Variants in IL18R1 observed in about 807,000 individuals in gnomAD.
The protein encoded by IL18R1 is interleukin-18 receptor 1.
Under a neutral mutation model 48.5 loss-of-function variants are expected in IL18R1, and 40 were observed. The observed-to-expected ratio is 0.82, with a 90% CI of 0.64 to 1.07. The LOEUF is 1.07. Among genes scored for constraint, IL18R1 ranks in the 50% least tolerant of loss-of-function variants. The pLI, the probability that IL18R1 is intolerant of heterozygous loss-of-function variation, is 0.00. For missense variants in IL18R1, 596 were observed against 633.7 expected, an observed-to-expected ratio of 0.94 and a Z score of 0.64; for synonymous variants, 232 against 225.9, an observed-to-expected ratio of 1.03 and a Z score of -0.24.
chr2:102,367,790 G>A, intron 2 of IL18R1, 35 bp from the exon 3 acceptor site: 1 of 1,571,196 alleles, frequency 6.4e-7, no homozygotes, highest in Non-Finnish European at 8.7e-7. Flanking sequence ...TTTGGTTTTT[G>A]TTTTTATTTA....
intron 5 of IL18R1, among the ~76,000 whole-genome samples, chr2:102,380,384 A>C (rs1292671631): frequency 6.6e-6 from 1 of 152,184 alleles, no homozygotes; most frequent in Non-Finnish European, 1.5e-5. Flanking sequence ...ATCCAGAGAA[A>C]GGTAGTCAGT....
chr2:102,385,494 T>C (rs1270617207), intron 7 of IL18R1, among the ~76,000 whole-genome samples: 2 of 152,244 alleles, frequency 1.3e-5, no homozygotes, highest in Non-Finnish European at 2.9e-5. Flanking sequence ...TATAGTCACC[T>C]AAGCTTTTCT....
chr2:102,360,354 C>T (rs1678500801), intron 1 of IL18R1, among the ~76,000 whole-genome samples: 2 of 152,074 alleles, frequency 1.3e-5, no homozygotes, highest in Non-Finnish European at 2.9e-5. Flanking sequence ...AGCTCCGCCT[C>T]CCGGATTCAC....
chr2:102,385,190 C>T (rs17651485), intron 7 of IL18R1, among the ~76,000 whole-genome samples, 192 bp downstream of exon 7: 11,372 of 152,022 alleles, frequency 0.075, 536 homozygotes, highest in Middle Eastern at 0.23. Context: ...AATGTATTGC[C>T]AAGATCTAAG....
rs61731174 is a variant in IL18R1 at position 102,384,967 on chromosome 2, A to G, written c.778A>G (p.Asn260Asp). Residue 260 changes from asparagine (N) to aspartate (D), a missense_variant, in exon 7 of 11, where the codon AAT (asparagine) becomes GAT (aspartate). Transcript: ENST00000233957. ...CGGGGAAGAAAATGGATCGGATCCT[A>G]ATATACATGAAGAGAAAGAAATGAG... ...MFGEENGSDP[N>D]IHEEKEMRIM... The G allele has an allele frequency of 1.8e-5, 28 of 1,599,130 alleles. No homozygotes were observed. The African/African-American group carries it at 2.9e-4, about 17-fold the overall frequency.
chr2:102,394,326 TG>T, intron 9 of IL18R1, 142 bp from the exon 10 acceptor site: 1 of 523,006 alleles, frequency 1.9e-6, no homozygotes. Flanking sequence ...TTGGTTAGCA[TG>T]GGAGGTTTAA....
chr2:102,387,109 A>C lies in IL18R1; in HGVS notation c.949+109A>C. On this transcript the variant is annotated intron_variant, in intron 8 of 10. Coordinates refer to ENST00000233957, the MANE Select transcript of IL18R1 (RefSeq NM_003855.5). ...TCCACACCAGAACCCAGCTCCTGAG[A>C]GGGGAAATCAGTCACCTCATGTCAC... is the stretch of plus-strand genomic sequence containing the variant. The C allele has an allele frequency of 2.6e-6, 3 of 1,137,136 alleles. No individual in the cohort carries two copies. The South Asian group carries it at 4.4e-5, about 17-fold the overall frequency. 70.4% of individuals were successfully genotyped at this position (1,137,136 alleles called of 1,614,324 possible). A position where few individuals can be genotyped will look rare whatever the true frequency, so the allele number is the denominator to read the frequency against.
At chr2:102,370,134 G>C (rs975239878) in intron 3 of IL18R1, among the ~76,000 whole-genome samples, 1 of 152,156 alleles carries the variant, frequency 6.6e-6, no homozygotes, top group Non-Finnish European at 1.5e-5. Context: ...ACAGCTTTGG[G>C]TCAGTTGGCC....
intron 3 of IL18R1, among the ~76,000 whole-genome samples, chr2:102,369,191 C>A (rs1450627300): frequency 2.0e-5 from 3 of 152,128 alleles, no homozygotes; most frequent in Admixed American, 1.3e-4. Context: ...ACACCGCCCC[C>A]CCCACCACAA....
intron 4 of IL18R1, among the ~76,000 whole-genome samples, chr2:102,372,770 C>T (rs1025907736): frequency 1.3e-5 from 2 of 152,082 alleles, no homozygotes; most frequent in Admixed American, 6.6e-5. Context: ...CCCCTTGTTT[C>T]GTCTAACTAA....
At chr2:102,362,746 T>C in intron 2 of IL18R1, 28 bp downstream of exon 2, 1 of 1,383,562 alleles carries the variant, frequency 7.2e-7, no homozygotes, top group Non-Finnish European at 1.0e-6. Flanking sequence ...CTCTCAAACA[T>C]ATTTCATGAG....
In IL18R1 at chr2:102,396,626, C is replaced by A. The variant is rs1271823267; in HGVS notation, c.1366C>A (p.Leu456Ile). The change falls in exon 11 of 11, where the codon CTT (leucine) becomes ATT (isoleucine). Residue 456 changes from leucine (L) to isoleucine (I), a missense_variant. Transcript: ENST00000233957. ...SYMSNEVRYELESGLHEALVE... is the reference protein window; with the variant it reads ...SYMSNEVRYEIESGLHEALVE... ...TATGTCTAATGAGGTCAGGTATGAA[C>A]TTGAAAGTGGACTCCATGAAGCATT... is the stretch of plus-strand genomic sequence containing the variant. 8.7e-6 allele frequency: 14 copies of A among 1,613,152 alleles called. No individual in the cohort carries two copies. The highest frequency in any genetic ancestry group is 1.1e-5 in the Non-Finnish European group (13 of 1,179,288).
intron 9 of IL18R1, among the ~76,000 whole-genome samples, chr2:102,391,884 C>T (rs1680582358): frequency 6.6e-6 from 1 of 152,092 alleles, no homozygotes; most frequent in African/African-American, 2.4e-5. Context: ...TATCTTTTGC[C>T]TATTGTTCCA....
At chr2:102,389,233 G>A (rs1407234779) in intron 8 of IL18R1, among the ~76,000 whole-genome samples, 1 of 152,042 alleles carries the variant, frequency 6.6e-6, no homozygotes, top group Non-Finnish European at 1.5e-5. Flanking sequence ...GAAATAATGA[G>A]TGATTACCAT....
intron 5 of IL18R1, among the ~76,000 whole-genome samples, chr2:102,380,329 G>T (rs993619584): frequency 2.0e-5 from 3 of 152,162 alleles, no homozygotes; most frequent in Admixed American, 6.5e-5. Context: ...ACTTCACACT[G>T]CCCCTTCTCA....
intron 2 of IL18R1, 145 bp downstream of exon 2, chr2:102,362,863 A>G (rs1394026070): frequency 1.1e-5 from 5 of 457,962 alleles, no homozygotes; most frequent in Non-Finnish European, 1.9e-5. Context: ...ATGTAGTGAG[A>G]GCAGAGTGAA....
intron 8 of IL18R1, among the ~76,000 whole-genome samples, chr2:102,389,129 G>A (rs747078407): frequency 1.5e-4 from 23 of 151,952 alleles, no homozygotes; most frequent in Non-Finnish European, 7.4e-5. Flanking sequence ...GCAACTTTAT[G>A]TCTACTTACT....
intron 3 of IL18R1, among the ~76,000 whole-genome samples, chr2:102,370,179 G>A (rs1679170820): frequency 6.6e-6 from 1 of 152,170 alleles, no homozygotes; most frequent in Admixed American, 6.5e-5. Context: ...CTCCTGGATG[G>A]CAGGTGCAGT....
intron 1 of IL18R1, among the ~76,000 whole-genome samples, chr2:102,361,942 T>C (rs1384944054): frequency 1.3e-5 from 2 of 152,278 alleles, no homozygotes; most frequent in East Asian, 3.9e-4. Flanking sequence ...TGTAGGAGAC[T>C]GTCACTTCAT....
Sources: gnomAD v4.1 joint callset for allele counts (sites outside exome capture counted in the v4.1 genomes callset) on GRCh38, gnomAD v4.1.1 for gene constraint, MANE v1.5 for transcripts, NCBI Gene and HGNC (gene_info 2026-07-23, HGNC 2026-07-21) for gene names.